Variants in EFCAB11 observed in about 807,000 individuals in gnomAD.
EFCAB11 encodes EF-hand calcium binding domain 11, also known as EF-hand calcium-binding domain-containing protein 11.
EFCAB11 carries 14 observed loss-of-function variants against 23.0 expected under a neutral mutation model. The observed-to-expected ratio is 0.61, with a 90% CI of 0.40 to 0.95. The LOEUF (loss-of-function observed/expected upper bound fraction) is 0.95, where lower values mean the gene tolerates loss of function less well. Among genes scored for constraint, EFCAB11 ranks in the 40% least tolerant of loss-of-function variants. The pLI, the probability that EFCAB11 is intolerant of heterozygous loss-of-function variation, is 0.00. For missense variants in EFCAB11, 198 were observed against 195.8 expected, an observed-to-expected ratio of 1.01 and a Z score of -0.07; for synonymous variants, 65 against 66.6, an observed-to-expected ratio of 0.98 and a Z score of 0.11.
intron 2 of EFCAB11, among the ~76,000 whole-genome samples, chr14:89,951,984 A>G (rs1024385892): frequency 6.6e-6 from 1 of 152,202 alleles, no homozygotes; most frequent in African/African-American, 2.4e-5. Flanking sequence ...GATTTATTAT[A>G]TAAGTATTTT....
chr14:89,863,363 A>G (rs1323738902), intron 5 of EFCAB11, among the ~76,000 whole-genome samples: 1 of 152,248 alleles, frequency 6.6e-6, no homozygotes, highest in Non-Finnish European at 1.5e-5. Context: ...AGCATACTCC[A>G]TAATTTTAAG....
intron 5 of EFCAB11, among the ~76,000 whole-genome samples, chr14:89,871,156 G>A (rs1267340628): frequency 6.6e-6 from 1 of 152,042 alleles, no homozygotes; most frequent in Non-Finnish European, 1.5e-5. Context: ...TTAACTCCAT[G>A]TGGGTCTGAA....
At chr14:89,921,063 T>TAA (rs199585363) in intron 5 of EFCAB11, among the ~76,000 whole-genome samples, 1 of 111,556 alleles carries the variant, frequency 9.0e-6, no homozygotes, top group Non-Finnish European at 1.7e-5. Flanking sequence ...AGACTCTGTC[T>TAA]AAAAAAAAAA....
chr14:89,845,387 C>T (rs1016660207), intron 5 of EFCAB11, among the ~76,000 whole-genome samples: 3 of 152,188 alleles, frequency 2.0e-5, no homozygotes, highest in African/African-American at 7.2e-5. Context: ...TTAAGTTACT[C>T]ATTTTATCAT....
rs748657726 is a variant in EFCAB11, at chr14:89,954,682, C to G, written c.-22G>C. ...ACATCGCGACTACAACAACCGAGCC[C>G]CAGCAACCCAACCAGCTACCACCGC... On this transcript the variant is annotated 5_prime_UTR_variant, in exon 1 of 6. Coordinates refer to ENST00000316738, the MANE Select transcript of EFCAB11 (RefSeq NM_145231.4). 9.3e-6 allele frequency: 15 copies of G among 1,606,878 alleles called. No homozygotes were observed. The highest frequency in any genetic ancestry group is 1.3e-5 in the African/African-American group (1 of 74,870).
intron 5 of EFCAB11, among the ~76,000 whole-genome samples, chr14:89,821,804 T>C (rs1459681704): frequency 6.6e-6 from 1 of 152,210 alleles, no homozygotes; most frequent in Non-Finnish European, 1.5e-5. Flanking sequence ...GACAAAACTA[T>C]TTTCAGCAAC....
intron 5 of EFCAB11, among the ~76,000 whole-genome samples, chr14:89,842,772 C>T (rs946927870): frequency 6.6e-6 from 1 of 152,074 alleles, no homozygotes; most frequent in African/African-American, 2.4e-5. Context: ...TTCTGTCACA[C>T]CATCCCCCTT....
intron 5 of EFCAB11, among the ~76,000 whole-genome samples, chr14:89,835,484 A>C (rs1261543902): frequency 6.6e-6 from 1 of 151,880 alleles, no homozygotes; most frequent in African/African-American, 2.4e-5. Context: ...GCAACCAGTC[A>C]CATGAGGTCA....
At chr14:89,868,970 C>G (rs1316105026) in intron 5 of EFCAB11, among the ~76,000 whole-genome samples, 1 of 152,072 alleles carries the variant, frequency 6.6e-6, no homozygotes, top group Non-Finnish European at 1.5e-5. Context: ...CTTTGGGAGG[C>G]TGAGGAGGAT....
At chr14:89,827,225 G>A (rs1886721583) in intron 5 of EFCAB11, among the ~76,000 whole-genome samples, 1 of 152,194 alleles carries the variant, frequency 6.6e-6, no homozygotes, top group African/African-American at 2.4e-5. Context: ...TAGAACCTAG[G>A]AGGCTGCAGG....
At chr14:89,802,796 TTC>T (rs1435599892) in intron 5 of EFCAB11, among the ~76,000 whole-genome samples, 2 of 152,236 alleles carry the variant, frequency 1.3e-5, no homozygotes, top group Non-Finnish European at 2.9e-5. Flanking sequence ...TTTTGGGTAA[TTC>T]TGTCTTAAGA....
chr14:89,908,288 C>T (rs549981221), intron 5 of EFCAB11, among the ~76,000 whole-genome samples: 1 of 152,326 alleles, frequency 6.6e-6, no homozygotes, highest in Non-Finnish European at 1.5e-5. Flanking sequence ...TCGCTTAATC[C>T]TCCAAACAAC....
chr14:89,925,915 G>A (rs12100947), intron 5 of EFCAB11, among the ~76,000 whole-genome samples: 6 of 151,854 alleles, frequency 4.0e-5, no homozygotes, highest in African/African-American at 1.2e-4. Flanking sequence ...TGCAACCCCC[G>A]CCTCCAAAGT....
At chr14:89,835,600 G>GTA (rs1212411476) in intron 5 of EFCAB11, among the ~76,000 whole-genome samples, 6 of 132,284 alleles carry the variant, frequency 4.5e-5, no homozygotes, top group South Asian at 5.1e-4. Flanking sequence ...GTGTGTGTGT[G>GTA]TGTGTGTGTG....
At chr14:89,855,301 C>T (rs1272409093) in intron 5 of EFCAB11, among the ~76,000 whole-genome samples, 14 of 151,902 alleles carry the variant, frequency 9.2e-5, no homozygotes, top group Admixed American at 8.5e-4. Context: ...CGTGGCGAAA[C>T]CCCATCTCTA....
intron 3 of EFCAB11, among the ~76,000 whole-genome samples, chr14:89,933,587 A>T (rs1014186142): frequency 6.6e-6 from 1 of 152,252 alleles, no homozygotes; most frequent in Non-Finnish European, 1.5e-5. Flanking sequence ...AAAGATTTAT[A>T]AACTGAAAAA....
At chr14:89,874,802 G>A (rs1888385352) in intron 5 of EFCAB11, among the ~76,000 whole-genome samples, 1 of 152,050 alleles carries the variant, frequency 6.6e-6, no homozygotes, top group African/African-American at 2.4e-5. Flanking sequence ...TGAGGCAAGA[G>A]AATGGCGTGG....
chr14:89,914,559 C>T (rs11849387), intron 5 of EFCAB11, among the ~76,000 whole-genome samples: 19,288 of 152,112 alleles, frequency 0.13, 3,383 homozygotes, highest in African/African-American at 0.4. Flanking sequence ...ATGAAGCAGG[C>T]GGATCACTTG....
chr14:89,834,403 A>G lies in EFCAB11; in HGVS notation c.411-37079T>C, dbSNP rs112305149. On this transcript the variant is annotated intron_variant, in intron 5 of 5. Coordinates refer to ENST00000316738, the MANE Select transcript of EFCAB11 (RefSeq NM_145231.4). Reference sequence around the variant, plus strand: ...AAAAAAAAAAAAAAAAAAAAAAAAAACCTTTTTGTTTAAACTTCTAAAGAT... The same window carrying G: ...AAAAAAAAAAAAAAAAAAAAAAAAAGCCTTTTTGTTTAAACTTCTAAAGAT... 1.1e-3 allele frequency among the ~76,000 whole-genome samples: 116 copies of G among 101,428 alleles called. 2 individuals carry two copies. The highest frequency in any genetic ancestry group is 5.4e-3 in the Middle Eastern group (1 of 186). The allele number at this position is 101,428 out of a possible 152,430, so 66.5% of individuals were successfully genotyped here.
Sources: gnomAD v4.1 joint callset for allele counts (sites outside exome capture counted in the v4.1 genomes callset) on GRCh38, gnomAD v4.1.1 for gene constraint, MANE v1.5 for transcripts, NCBI Gene and HGNC (gene_info 2026-07-23, HGNC 2026-07-21) for gene names.